Variants in NTF3 observed in about 807,000 individuals in gnomAD.
NTF3 encodes neurotrophin 3.
In NTF3, 8 loss-of-function variants were observed where a neutral mutation model predicts 26.3. That is an observed-to-expected ratio of 0.30 (90% CI 0.18 to 0.55). The LOEUF (loss-of-function observed/expected upper bound fraction) is 0.55, where lower values mean the gene tolerates loss of function less well. NTF3 is among the 20% of genes least tolerant of loss of function. The pLI, the probability that NTF3 is intolerant of heterozygous loss-of-function variation, is 0.93. For synonymous variants in NTF3, 154 were observed against 145.5 expected (o/e 1.06, Z -0.42); for missense variants, 276 against 352.9 (o/e 0.78, Z 1.75).
chr12:5,459,240 TG>T (rs1035041109), intron 1 of NTF3, among the ~76,000 whole-genome samples: 5 of 152,158 alleles, frequency 3.3e-5, no homozygotes, highest in African/African-American at 1.2e-4. Context: ...CGTCAGAGGA[TG>T]GAGGCCAACC....
chr12:5,481,811 GACACATGCACACACATGCATACTAC>G (rs1289621163), intron 1 of NTF3, among the ~76,000 whole-genome samples: 3 of 128,418 alleles, frequency 2.3e-5, no homozygotes, highest in African/African-American at 8.8e-5. Context: ...CTCATACAGA[GACACATGCACACACATGCATACTAC>G]ACACATGCAC....
At position 5,494,389 on chromosome 12, in the gene NTF3, T is replaced by C; in HGVS notation, c.214T>C (p.Tyr72His). 1 of 1,613,790 alleles carries C rather than the reference T, an allele frequency of 6.2e-7. No individual in the cohort carries two copies. The highest frequency in any genetic ancestry group is 8.5e-7 in the Non-Finnish European group (1 of 1,179,968). Residue 72 changes from tyrosine (Y) to histidine (H), a missense_variant, in exon 2 of 2, where the codon TAC (tyrosine) becomes CAC (histidine). This residue lies in a region of NTF3 where 221 missense variants were observed against 258.2 expected (regional missense o/e 0.86). Transcript: ENST00000423158. The surrounding 1 kb of genome is among the most constrained non-coding windows in gnomAD (Gnocchi z 8.3). ...SKQMVDVKEN[Y>H]QSTLPKAEAP... ...GCAGATGGTGGACGTTAAGGAAAATTACCAGAGCACCCTGCCCAAAGCTGA... is the reference window on the plus strand; with the variant it reads ...GCAGATGGTGGACGTTAAGGAAAATCACCAGAGCACCCTGCCCAAAGCTGA...
At chr12:5,485,145 T>G (rs73259363) in intron 1 of NTF3, among the ~76,000 whole-genome samples, 2,181 of 152,358 alleles carry the variant, frequency 0.014, 51 homozygotes, top group African/African-American at 0.049. Flanking sequence ...TTGATCCCAC[T>G]AGCCCCATAT....
At chr12:5,443,581 C>T (rs1329408656) in intron 1 of NTF3, among the ~76,000 whole-genome samples, 1 of 152,132 alleles carries the variant, frequency 6.6e-6, no homozygotes, top group Non-Finnish European at 1.5e-5. Context: ...ATAGCTACCC[C>T]AAAAGAAATT....
chr12:5,486,646 G>T (rs1484930897), intron 1 of NTF3, among the ~76,000 whole-genome samples: 1 of 152,158 alleles, frequency 6.6e-6, no homozygotes, highest in African/African-American at 2.4e-5. Flanking sequence ...TGAGGTCAAA[G>T]TTATTCTTTA....
intron 1 of NTF3, among the ~76,000 whole-genome samples, chr12:5,444,775 G>A (rs1253898377): frequency 1.3e-5 from 2 of 152,148 alleles, no homozygotes; most frequent in Admixed American, 6.5e-5. Context: ...TGAATAAAGA[G>A]TTGTTCAATG....
At position 5,456,156 on chromosome 12, in the gene NTF3, G is replaced by A. The variant is rs1306463584; in HGVS notation, c.18+23814G>A. Among the ~76,000 whole-genome samples the A allele has an allele frequency of 6.6e-6, 1 of 152,188 alleles. No homozygotes were observed. On this transcript the variant is annotated intron_variant, in intron 1 of 1. Transcript: ENST00000423158. This position sits in a 1 kb window ranked among gnomAD's most constrained non-coding sequence, Gnocchi z 4.4. ...AGCAGGAGCACTGGTCACTTGGGCT[G>A]GGATGGTTCTTAGTGGTACAGGATG...
chr12:5,449,879 G>A (rs151028843), intron 1 of NTF3, among the ~76,000 whole-genome samples: 1 of 152,300 alleles, frequency 6.6e-6, no homozygotes, highest in African/African-American at 2.4e-5. Flanking sequence ...CCCTTTCTTA[G>A]CCTCTGATGA....
chr12:5,461,883 A>G (rs1317201316), intron 1 of NTF3, among the ~76,000 whole-genome samples: 1 of 152,238 alleles, frequency 6.6e-6, no homozygotes, highest in African/African-American at 2.4e-5. Context: ...CTATTTAAAA[A>G]GAAATATGAA....
Position 5,495,078 on chromosome 12 carries a change from TAA to T in NTF3, c.*91_*92del. The stretch of plus-strand genomic sequence containing the variant: ...ATGTTTATATTGTTTTTATATATTA[TAA>T]GTTGACCTTTATTTATTAAACTTCA... On this transcript the variant is annotated 3_prime_UTR_variant, in exon 2 of 2. Transcript: ENST00000423158. 3 of 1,334,044 alleles carry T rather than the reference TAA, an allele frequency of 2.2e-6. No individual in the cohort carries two copies. The highest frequency in any genetic ancestry group is 3.1e-6 in the Non-Finnish European group (3 of 970,420). 82.6% of individuals were successfully genotyped at this position (1,334,044 alleles called of 1,614,324 possible).
At chr12:5,463,168 C>T (rs1384147663) in intron 1 of NTF3, among the ~76,000 whole-genome samples, 1 of 152,160 alleles carries the variant, frequency 6.6e-6, no homozygotes, top group Non-Finnish European at 1.5e-5. Flanking sequence ...ATTTTCAGAG[C>T]AGCAACACCA....
At chr12:5,470,701 C>T (rs1399882302) in intron 1 of NTF3, among the ~76,000 whole-genome samples, 1 of 152,218 alleles carries the variant, frequency 6.6e-6, no homozygotes, top group African/African-American at 2.4e-5. Context: ...GGATTCAGCA[C>T]TGTGTCTCCT....
intron 1 of NTF3, among the ~76,000 whole-genome samples, chr12:5,442,501 C>G (rs757086375): frequency 4.9e-4 from 74 of 152,210 alleles, no homozygotes; most frequent in Admixed American, 1.2e-3. Flanking sequence ...GGGGGTGAGT[C>G]CACCTCAGGC....
At chr12:5,460,395 T>C (rs1940511052) in intron 1 of NTF3, among the ~76,000 whole-genome samples, 1 of 152,242 alleles carries the variant, frequency 6.6e-6, no homozygotes, top group South Asian at 2.1e-4. Flanking sequence ...GTCTTTTGAC[T>C]GCCTAGAGTT....
At chr12:5,451,583 C>G in intron 1 of NTF3, among the ~76,000 whole-genome samples, 1 of 152,104 alleles carries the variant, frequency 6.6e-6, no homozygotes, top group Admixed American at 6.5e-5. Flanking sequence ...AAACAATGAC[C>G]AGAAATACCT....
chr12:5,483,444 T>C (rs1940831901), intron 1 of NTF3, among the ~76,000 whole-genome samples: 1 of 152,182 alleles, frequency 6.6e-6, no homozygotes, highest in African/African-American at 2.4e-5. Context: ...TGTAGATTCC[T>C]CATCCAGGTA....
Position 5,432,305 on chromosome 12 carries a change from G to C in NTF3, c.-20G>C. ...CTTTCTCTTCATGTCGACGTCCCTGGAAACGGCCACACGGATGCCATGGTT... is the reference window on the plus strand; with the variant it reads ...CTTTCTCTTCATGTCGACGTCCCTGCAAACGGCCACACGGATGCCATGGTT... On this transcript the variant is annotated 5_prime_UTR_variant, in exon 1 of 2. Coordinates refer to ENST00000423158, the MANE Select transcript of NTF3 (RefSeq NM_001102654.2). 1 of 1,612,700 alleles carries C rather than the reference G, an allele frequency of 6.2e-7. No individual in the cohort carries two copies. Among genetic ancestry groups the C allele is most frequent in the East Asian group, 2.2e-5 (1 of 44,822 alleles).
intron 1 of NTF3, among the ~76,000 whole-genome samples, chr12:5,434,472 AGTGTGT>A (rs59874216): frequency 2.0e-4 from 28 of 142,788 alleles, no homozygotes; most frequent in Admixed American, 1.1e-3. Context: ...GTTTTTCCAA[AGTGTGT>A]GTGTGTGTGT....
intron 1 of NTF3, among the ~76,000 whole-genome samples, chr12:5,457,973 CA>C (rs1940473678): frequency 6.6e-6 from 1 of 152,128 alleles, no homozygotes; most frequent in Non-Finnish European, 1.5e-5. Context: ...TAATCAAAAC[CA>C]CCATTGTCTC....
Sources: allele counts gnomAD v4.1 joint callset (sites outside exome capture counted in the v4.1 genomes callset), GRCh38; gene constraint gnomAD v4.1.1; regional missense constraint gnomAD v4.1.1; non-coding constraint Gnocchi (gnomAD v3.1); transcripts MANE v1.5; gene names NCBI Gene and HGNC (gene_info 2026-07-23, HGNC 2026-07-21).